TMEM63C: variants seen among roughly 807,000 people sequenced by gnomAD.
The protein encoded by TMEM63C is transmembrane protein 63C.
TMEM63C carries 32 observed loss-of-function variants against 99.2 expected under a neutral mutation model. The observed-to-expected ratio is 0.32, with a 90% CI of 0.24 to 0.43. TMEM63C has a LOEUF of 0.43. Among genes scored for constraint, TMEM63C ranks in the 20% least tolerant of loss-of-function variants. The pLI is 1.00. For synonymous variants in TMEM63C, 376 were observed against 397.9 expected (o/e 0.94, Z 0.66); for missense variants, 826 against 1,053.0 (o/e 0.78, Z 2.98).
At chr14:77,245,486 G>A (rs1299738770) in intron 16 of TMEM63C, among the ~76,000 whole-genome samples, 3 of 152,196 alleles carry the variant, frequency 2.0e-5, no homozygotes, top group East Asian at 3.8e-4. Flanking sequence ...CATTGGACTC[G>A]CTATTAGTCC....
chr14:77,233,307 G>T (rs1237368300), intron 7 of TMEM63C, 145 bp from the exon 8 acceptor site: 1 of 775,492 alleles, frequency 1.3e-6, no homozygotes, highest in Non-Finnish European at 2.1e-6. Context: ...TTAAAAGTTG[G>T]GGAGAAGCTC....
chr14:77,182,068 G>A (rs1887923818), intron 1 of TMEM63C, among the ~76,000 whole-genome samples, 174 bp downstream of exon 1: 1 of 152,160 alleles, frequency 6.6e-6, no homozygotes, highest in Non-Finnish European at 1.5e-5. Context: ...ACAGTCCCTT[G>A]CCACGCTGGC....
At chr14:77,233,365 C>T in intron 7 of TMEM63C, 87 bp from the exon 8 acceptor site, 1 of 1,371,500 alleles carries the variant, frequency 7.3e-7, no homozygotes, top group Non-Finnish European at 1.0e-6. Flanking sequence ...TCTCCAGACC[C>T]CACGCATTTG....
intron 1 of TMEM63C, among the ~76,000 whole-genome samples, chr14:77,193,702 C>T (rs1479434752): frequency 1.3e-5 from 2 of 152,008 alleles, no homozygotes; most frequent in East Asian, 1.9e-4. Context: ...GGTGTGGTGA[C>T]GCATGCCTGT....
chr14:77,213,269 CAATT>C (rs1305656435), intron 1 of TMEM63C, among the ~76,000 whole-genome samples, 173 bp from the exon 2 acceptor site: 4 of 152,220 alleles, frequency 2.6e-5, no homozygotes, highest in African/African-American at 9.6e-5. Context: ...ACCATCAAGA[CAATT>C]AAAAGAAAAG....
chr14:77,220,228 A>C, intron 5 of TMEM63C, 141 bp downstream of exon 5: 1 of 753,136 alleles, frequency 1.3e-6, no homozygotes, highest in Non-Finnish European at 2.2e-6. Flanking sequence ...GACCTTGAGC[A>C]AATTCCTCAG....
intron 1 of TMEM63C, among the ~76,000 whole-genome samples, chr14:77,193,732 G>A (rs113121115): frequency 2.7e-4 from 41 of 152,234 alleles, no homozygotes; most frequent in African/African-American, 8.9e-4. Context: ...TACTCGGGAG[G>A]CTGAGGCAGG....
intron 1 of TMEM63C, among the ~76,000 whole-genome samples, chr14:77,211,590 A>AGTGC (rs991833377): frequency 2.3e-4 from 35 of 152,286 alleles, no homozygotes; most frequent in African/African-American, 8.2e-4. Context: ...TGGGAAGCAA[A>AGTGC]GTGCTGGCCT....
intron 14 of TMEM63C, 144 bp from the exon 15 acceptor site, chr14:77,242,759 A>G (rs1245852317): frequency 2.0e-6 from 2 of 979,746 alleles, no homozygotes; most frequent in Non-Finnish European, 1.5e-6. Flanking sequence ...GGGACGGTCC[A>G]GGGTCCTGTT....
At chr14:77,218,277 C>G (rs1196391773) in intron 2 of TMEM63C, among the ~76,000 whole-genome samples, 1 of 151,002 alleles carries the variant, frequency 6.6e-6, no homozygotes, top group Non-Finnish European at 1.5e-5. Flanking sequence ...ACATGCCAGG[C>G]ACTGCATTCC....
intron 1 of TMEM63C, among the ~76,000 whole-genome samples, chr14:77,202,825 GCACACACACACACACACACACA>G (rs60544528): frequency 1.4e-5 from 2 of 141,110 alleles, no homozygotes; most frequent in African/African-American, 5.1e-5. Context: ...ACAGGCAGGC[GCACACACACACACACACACACA>G]CACACACACA....
In TMEM63C at chr14:77,245,997, A is replaced by G. The variant is rs1341798735; in HGVS notation, c.1506A>G (p.Val502=). ...HKCYIFLVFM[V]VILPSMGLTS... is the part of the protein sequence containing the mutation. ...GCTACATCTTTCTGGTGTTCATGGT[A>G]GTCATTCTGCCCTCTATGGGACTGA... The change falls in exon 17 of 24, where the codon GTA becomes GTG. Residue 502 remains valine (V), a synonymous_variant. Transcript: ENST00000298351. The G allele has an allele frequency of 6.2e-7, 1 of 1,613,900 alleles. No individual in the cohort carries two copies. The highest frequency in any genetic ancestry group is 8.5e-7 in the Non-Finnish European group (1 of 1,179,784).
chr14:77,230,824 A>C (rs1247757155), intron 6 of TMEM63C, among the ~76,000 whole-genome samples: 1 of 152,176 alleles, frequency 6.6e-6, no homozygotes, highest in Non-Finnish European at 1.5e-5. Flanking sequence ...CTAGTATTTC[A>C]TGATTTATAT....
intron 13 of TMEM63C, among the ~76,000 whole-genome samples, chr14:77,240,935 T>C (rs1889160823): frequency 3.2e-5 from 1 of 31,168 alleles, no homozygotes; most frequent in African/African-American, 9.8e-5. Flanking sequence ...CTTTTTCTTT[T>C]TTTTTTTTTT....
At chr14:77,198,854 G>T (rs905363296) in intron 1 of TMEM63C, among the ~76,000 whole-genome samples, 2 of 152,190 alleles carry the variant, frequency 1.3e-5, no homozygotes, top group African/African-American at 4.8e-5. Context: ...AAAGGGACAG[G>T]GAGGGGGCAA....
At chr14:77,208,245 G>C (rs146830217) in intron 1 of TMEM63C, among the ~76,000 whole-genome samples, 212 of 152,302 alleles carry the variant, frequency 1.4e-3, no homozygotes, top group African/African-American at 5.0e-3. Flanking sequence ...CTTCAGAACA[G>C]AGCAGAACTG....
At chr14:77,208,977 C>G (rs542694156) in intron 1 of TMEM63C, among the ~76,000 whole-genome samples, 69 of 152,074 alleles carry the variant, frequency 4.5e-4, no homozygotes, top group Non-Finnish European at 8.7e-4. Context: ...AACTGCAATC[C>G]TCTCACCCCA....
chr14:77,258,943 G>T lies in TMEM63C; in HGVS notation c.*2217G>T, dbSNP rs751558574. ...AGAAGGTGGTGAGCATGTGGAGAAG[G>T]TTCCATAGTCCACTCTTAGGGGAAC... On this transcript the variant is annotated 3_prime_UTR_variant, in exon 24 of 24. Coordinates refer to ENST00000298351, the MANE Select transcript of TMEM63C (RefSeq NM_020431.4). 2.6e-5 allele frequency: 4 copies of T among 152,378 alleles called. No individual in the cohort carries two copies. The highest frequency in any genetic ancestry group is 6.5e-5 in the Admixed American group (1 of 15,290). 9.4% of individuals were successfully genotyped at this position (152,378 alleles called of 1,614,324 possible).
At chr14:77,235,001 GA>G (rs1889011476) in intron 8 of TMEM63C, among the ~76,000 whole-genome samples, 1 of 152,176 alleles carries the variant, frequency 6.6e-6, no homozygotes, top group Admixed American at 6.5e-5. Context: ...GTGACCTTGA[GA>G]GGGGCACCGA....
Sources: gnomAD v4.1 joint callset for allele counts (sites outside exome capture counted in the v4.1 genomes callset) on GRCh38, gnomAD v4.1.1 for gene constraint, MANE v1.5 for transcripts, NCBI Gene and HGNC (gene_info 2026-07-23, HGNC 2026-07-21) for gene names.